Variants in CFHR5 observed in about 807,000 individuals in gnomAD.
CFHR5 encodes the protein complement factor H-related protein 5.
A neutral mutation model predicts 62.9 loss-of-function variants in CFHR5; 73 were observed. The ratio of observed to expected loss-of-function variants is 1.16; its 90% CI spans 0.96 to 1.41. CFHR5 has a LOEUF of 1.41. Ranked by LOEUF, CFHR5 falls within the 40% of genes most tolerant of loss-of-function variation. CFHR5 has a pLI of 0.00. For missense variants in CFHR5, 779 were observed against 679.9 expected (o/e 1.15, Z -1.62); for synonymous variants, 249 against 227.2 (o/e 1.10, Z -0.86).
chr1:196,981,269 G>C (rs78391061), intron 1 of CFHR5, among the ~76,000 whole-genome samples: 1 of 151,960 alleles, frequency 6.6e-6, no homozygotes, highest in Non-Finnish European at 1.5e-5. Flanking sequence ...GAAATATCTC[G>C]AGCTAAAACA....
chr1:196,992,174 G>A (rs1392500475), intron 3 of CFHR5, among the ~76,000 whole-genome samples: 1 of 152,182 alleles, frequency 6.6e-6, no homozygotes, highest in African/African-American at 2.4e-5. Context: ...GCAAGGCTCT[G>A]TGGGCGTGGT....
intron 1 of CFHR5, among the ~76,000 whole-genome samples, chr1:196,982,679 A>C (rs115528599): frequency 6.7e-6 from 1 of 149,898 alleles, no homozygotes; most frequent in Admixed American, 6.7e-5. Context: ...CTCCCTCTCA[A>C]AAAAAAAAAG....
chr1:197,006,185 C>T (rs796687268), intron 9 of CFHR5, among the ~76,000 whole-genome samples: 1 of 151,820 alleles, frequency 6.6e-6, no homozygotes, highest in Non-Finnish European at 1.5e-5. Context: ...AAATTTGTAA[C>T]CTAAAAAGTG....
intron 8 of CFHR5, among the ~76,000 whole-genome samples, chr1:197,003,233 T>G (rs1384314425): frequency 1.3e-5 from 2 of 152,152 alleles, no homozygotes; most frequent in African/African-American, 2.4e-5. Context: ...GTGCCCTGGT[T>G]GATCTGACAG....
At chr1:196,976,090 A>G (rs1328248351), upstream of CFHR5, among the ~76,000 whole-genome samples, 1 of 152,150 alleles carries the variant, frequency 6.6e-6, no homozygotes, top group Non-Finnish European at 1.5e-5. Context: ...TAATATTTAG[A>G]TACTTTAGGT....
At position 197,004,818 on chromosome 1, in the gene CFHR5, G is replaced by C. The variant is rs1558291150; in HGVS notation, c.1488G>C (p.Gln496His). 8 of 1,613,556 alleles carry C rather than the reference G, an allele frequency of 5.0e-6. No individual in the cohort carries two copies. Among genetic ancestry groups the C allele is most frequent in the Non-Finnish European group, 6.8e-6 (8 of 1,179,646 alleles). ...GSVTVTCRNK[Q>H]WSEPPRCLDP... ...TAACTGTAACATGCAGAAATAAACAGTGGTCAGAACCACCAAGATGCCTAG... is the reference window on the plus strand; with the variant it reads ...TAACTGTAACATGCAGAAATAAACACTGGTCAGAACCACCAAGATGCCTAG... Residue 496 changes from glutamine (Q) to histidine (H), a missense_variant, in exon 9 of 10, where the codon CAG becomes CAC. Gln to His is a conservative substitution (Grantham distance 24). Coordinates refer to ENST00000256785, the MANE Select transcript of CFHR5 (RefSeq NM_030787.4).
upstream of CFHR5, among the ~76,000 whole-genome samples, chr1:196,976,410 C>G (rs367640747): frequency 3.3e-5 from 5 of 152,224 alleles, no homozygotes; most frequent in East Asian, 3.9e-4. Context: ...CGGGCATGGA[C>G]CTTTCCAAGC....
upstream of CFHR5, among the ~76,000 whole-genome samples, chr1:196,976,616 T>A (rs143446805): frequency 1.2e-3 from 177 of 152,172 alleles, 1 homozygote; most frequent in Middle Eastern, 6.8e-3. Flanking sequence ...TTTGGCCAAT[T>A]TCCAGAGACA....
At chr1:197,000,772 A>G (rs1041974423) in intron 7 of CFHR5, among the ~76,000 whole-genome samples, 3 of 152,178 alleles carry the variant, frequency 2.0e-5, no homozygotes, top group African/African-American at 7.2e-5. Context: ...TATGTATTTA[A>G]ATAAAAATAC....
intron 7 of CFHR5, among the ~76,000 whole-genome samples, chr1:197,001,415 A>C (rs1324603539): frequency 6.6e-6 from 1 of 152,112 alleles, no homozygotes; most frequent in Non-Finnish European, 1.5e-5. Flanking sequence ...GTATATAATT[A>C]TTATATTTTT....
intron 8 of CFHR5, among the ~76,000 whole-genome samples, chr1:197,004,037 A>G (rs1006263058): frequency 2.0e-5 from 3 of 152,184 alleles, no homozygotes; most frequent in Admixed American, 6.5e-5. Flanking sequence ...AGGATTACTT[A>G]GTGATTTCAT....
chr1:196,983,555 A>G (rs1268842873), intron 2 of CFHR5, among the ~76,000 whole-genome samples: 4 of 152,196 alleles, frequency 2.6e-5, no homozygotes. Context: ...TGTAGAGACC[A>G]GACTCCAATG....
upstream of CFHR5, among the ~76,000 whole-genome samples, chr1:196,976,899 G>A (rs1388190761): frequency 1.3e-5 from 2 of 148,728 alleles, no homozygotes; most frequent in Non-Finnish European, 3.0e-5. Context: ...CTGCCTCCCG[G>A]TTTTACGCCA....
intron 9 of CFHR5, among the ~76,000 whole-genome samples, chr1:197,005,687 A>G (rs1346107336): frequency 6.6e-6 from 1 of 152,148 alleles, no homozygotes; most frequent in African/African-American, 2.4e-5. Context: ...TGGTGTCCAA[A>G]AGAGACACCA....
chr1:196,981,947 G>A (rs1338117871), intron 1 of CFHR5, among the ~76,000 whole-genome samples: 2 of 151,160 alleles, frequency 1.3e-5, no homozygotes, highest in Non-Finnish European at 2.9e-5. Flanking sequence ...AAACATTTAT[G>A]TATACAGCAT....
At chr1:197,000,988 C>A (rs1654138193) in intron 7 of CFHR5, among the ~76,000 whole-genome samples, 1 of 152,076 alleles carries the variant, frequency 6.6e-6, no homozygotes, top group Non-Finnish European at 1.5e-5. Flanking sequence ...AAACTCATGA[C>A]CAAACTTTGC....
chr1:196,996,986 C>A (rs547811917), intron 6 of CFHR5, among the ~76,000 whole-genome samples: 2 of 151,736 alleles, frequency 1.3e-5, no homozygotes, highest in Non-Finnish European at 2.9e-5. Flanking sequence ...TTTTTTTTCC[C>A]GACACCCTCA....
At chr1:196,991,897 T>G (rs1653857030) in intron 3 of CFHR5, among the ~76,000 whole-genome samples, 1 of 152,196 alleles carries the variant, frequency 6.6e-6, no homozygotes, top group South Asian at 2.1e-4. Context: ...AACACCATGC[T>G]GGGAGAACCA....
chr1:196,993,997 C>T, intron 3 of CFHR5, 83 bp from the exon 4 acceptor site: 4 of 1,060,944 alleles, frequency 3.8e-6, no homozygotes, highest in Non-Finnish European at 5.8e-6. Context: ...TATGAAGCCC[C>T]TTGCATCTTA....
Sources: allele counts gnomAD v4.1 joint callset (sites outside exome capture counted in the v4.1 genomes callset), GRCh38; gene constraint gnomAD v4.1.1; transcripts MANE v1.5; gene names NCBI Gene and HGNC (gene_info 2026-07-23, HGNC 2026-07-21).